Variants in WNT10A observed in about 807,000 individuals in gnomAD.
WNT10A encodes the protein Wnt family member 10A, also known as protein Wnt-10a.
WNT10A carries 37 observed loss-of-function variants against 36.1 expected under a neutral mutation model. The observed-to-expected ratio is 1.02, with a 90% CI of 0.79 to 1.35. The LOEUF (loss-of-function observed/expected upper bound fraction) is 1.35. WNT10A is among the 40% of genes most tolerant of loss of function. WNT10A has a pLI of 0.00. For missense variants in WNT10A, 613 were observed against 601.4 expected (o/e 1.02, Z -0.20); for synonymous variants, 255 against 254.1 (o/e 1.00, Z -0.03).
intron 3 of WNT10A, 115 bp from the exon 4 acceptor site, chr2:218,892,659 C>T: frequency 2.7e-6 from 4 of 1,477,144 alleles, no homozygotes; most frequent in Non-Finnish European, 3.6e-6. Flanking sequence ...TCGCTCCCGG[C>T]CTCAGCGTTT....
upstream of WNT10A, among the ~76,000 whole-genome samples, chr2:218,878,925 A>T (rs1944478020): frequency 6.6e-6 from 1 of 152,014 alleles, no homozygotes; most frequent in Non-Finnish European, 1.5e-5. This position sits in a 1 kb window ranked among gnomAD's most constrained non-coding sequence, Gnocchi z 4.1. Context: ...CCCTTCCCAA[A>T]TGCTAGTCCC....
upstream of WNT10A, among the ~76,000 whole-genome samples, chr2:218,875,865 G>A (rs1944449304): frequency 6.6e-6 from 1 of 152,246 alleles, no homozygotes; most frequent in Non-Finnish European, 1.5e-5. Context: ...GGCCCTGATT[G>A]CAAATGAAGA....
chr2:218,880,626 C>A (rs886055634), upstream of WNT10A: 1 of 210,260 alleles, frequency 4.8e-6, no homozygotes, highest in Non-Finnish European at 9.4e-6. The surrounding 1 kb of genome is among the most constrained non-coding windows in gnomAD (Gnocchi z 7.7). Context: ...AGGCTCCCGG[C>A]GCTGCGCTGG....
intron 3 of WNT10A, among the ~76,000 whole-genome samples, chr2:218,891,057 T>C (rs1375960354): frequency 6.6e-6 from 1 of 152,222 alleles, no homozygotes; most frequent in African/African-American, 2.4e-5. Context: ...CTTGAGCACT[T>C]TCCTACATAT....
At chr2:218,888,979 A>C (rs1944614264) in intron 2 of WNT10A, among the ~76,000 whole-genome samples, 1 of 152,100 alleles carries the variant, frequency 6.6e-6, no homozygotes, top group Non-Finnish European at 1.5e-5. Flanking sequence ...TGGTTACATG[A>C]ATAAGTTCTT....
At chr2:218,875,181 TTTTTTTTTTTTTTTTTTTTTTTTTTG>T in the WNT10A span, among the ~76,000 whole-genome samples, 4 of 87,998 alleles carry the variant, frequency 4.5e-5, no homozygotes, top group Non-Finnish European at 6.8e-5. Flanking sequence ...TTTTTTTTTT[TTTTTTTTTTTTTTTTTTTTTTTTTTG>T]AGATGGAGTC....
upstream of WNT10A, among the ~76,000 whole-genome samples, chr2:218,880,131 G>A (rs1575228752): frequency 6.6e-6 from 1 of 152,266 alleles, no homozygotes. The surrounding 1 kb of genome is among the most constrained non-coding windows in gnomAD (Gnocchi z 7.7). Flanking sequence ...GGCAGGCCTG[G>A]GGGAAGTCCC....
At chr2:218,889,885 T>C (rs1288807142) in intron 2 of WNT10A, 99 bp from the exon 3 acceptor site, 4 of 1,587,126 alleles carry the variant, frequency 2.5e-6, no homozygotes, top group Admixed American at 1.7e-5. Context: ...TCCTGCATAC[T>C]GGGCTTCAGT....
chr2:218,878,932 T>A (rs1944478085), upstream of WNT10A, among the ~76,000 whole-genome samples: 1 of 152,124 alleles, frequency 6.6e-6, no homozygotes, highest in East Asian at 1.9e-4. The surrounding 1 kb of genome is among the most constrained non-coding windows in gnomAD (Gnocchi z 4.1). Flanking sequence ...CAAATGCTAG[T>A]CCCAAGCTGT....
At position 218,881,034 on chromosome 2, in the gene WNT10A, A is replaced by AC. The variant is rs1463106469; in HGVS notation, c.43dup (p.Gln15ProfsTer29). ...ACCCTCGCCCCTGGCTGCGGCTCCGACCCCAGCCCCAGCCGCGGCCAGCGC... is the reference window on the plus strand; with the variant it reads ...ACCCTCGCCCCTGGCTGCGGCTCCGACCCCCAGCCCCAGCCGCGGCCAGCGC... On this transcript the variant is annotated frameshift_variant, in exon 1 of 4. Transcript: ENST00000258411. LOFTEE classifies it high-confidence loss of function. 1 of 1,600,482 alleles carries AC rather than the reference A, an allele frequency of 6.2e-7. No homozygotes were observed. The highest frequency in any genetic ancestry group is 8.5e-7 in the Non-Finnish European group (1 of 1,173,982).
chr2:218,882,035 C>G, intron 1 of WNT10A, 126 bp from the exon 2 acceptor site: 1 of 1,325,270 alleles, frequency 7.5e-7, no homozygotes, highest in Non-Finnish European at 1.0e-6. Flanking sequence ...ACTGATGGGC[C>G]CAACCTTCAG....
At chr2:218,882,091 T>G (rs1305665126) in intron 1 of WNT10A, 70 bp from the exon 2 acceptor site, 1 of 1,563,004 alleles carries the variant, frequency 6.4e-7, no homozygotes, top group Non-Finnish European at 8.7e-7. Flanking sequence ...TGGGACAGAG[T>G]GTGTGTTGTT....
At chr2:218,881,700 T>C (rs1260193264) in intron 1 of WNT10A, among the ~76,000 whole-genome samples, 1 of 152,024 alleles carries the variant, frequency 6.6e-6, no homozygotes, top group African/African-American at 2.4e-5. Context: ...GGGAGTGTCT[T>C]TGTGTGTGTG....
rs1944681315 is a variant in WNT10A, at chr2:218,893,388, A to C, written c.*117A>C. The C allele has an allele frequency of 1.4e-6, 2 of 1,394,860 alleles. No individual in the cohort carries two copies. The highest frequency in any genetic ancestry group is 1.9e-6 in the Non-Finnish European group (2 of 1,054,094). 86.4% of individuals were successfully genotyped at this position (1,394,860 alleles called of 1,614,324 possible). Reference sequence around the variant, plus strand: ...GCTCTTGGGAAGAGGAGATTGGACCACATGATCTTATAGGAACCCCTCAGC... The same window carrying C: ...GCTCTTGGGAAGAGGAGATTGGACCCCATGATCTTATAGGAACCCCTCAGC... On this transcript the variant is annotated 3_prime_UTR_variant, in exon 4 of 4. Transcript: ENST00000258411. The surrounding 1 kb of genome is among the most constrained non-coding windows in gnomAD (Gnocchi z 6.3).
rs1391189104 is a variant in WNT10A, at chr2:218,890,177, T to C, written c.570T>C (p.His190=). ...TGCAGCGTGGTAAGGGCCTGAGCCA[T>C]GGGGTCCCGGAACACCCAGCCCTGC... The part of the protein sequence containing the change: ...DALQRGKGLS[H]GVPEHPALPT... The change falls in exon 3 of 4, where the codon CAT becomes CAC. Residue 190 remains histidine (H), a synonymous_variant. Coordinates refer to ENST00000258411, the MANE Select transcript of WNT10A (RefSeq NM_025216.3). 3.1e-6 allele frequency: 5 copies of C among 1,614,082 alleles called. No homozygotes were observed. In the Admixed American group the frequency reaches 5.0e-5, roughly 16 times the overall value.
intron 1 of WNT10A, among the ~76,000 whole-genome samples, chr2:218,881,873 TG>T (rs1257292154): frequency 1.3e-5 from 2 of 152,160 alleles, no homozygotes; most frequent in Non-Finnish European, 2.9e-5. Context: ...CATCTATTCC[TG>T]GGGATGTGCA....
chr2:218,877,741 A>C (rs1489143394), upstream of WNT10A, among the ~76,000 whole-genome samples: 15 of 152,204 alleles, frequency 9.9e-5, no homozygotes, highest in African/African-American at 3.6e-4. The surrounding 1 kb of genome is among the most constrained non-coding windows in gnomAD (Gnocchi z 4.1). Flanking sequence ...TCAATGACCA[A>C]ACACATTGGG....
At chr2:218,886,955 G>A (rs898540005) in intron 2 of WNT10A, among the ~76,000 whole-genome samples, 2 of 152,170 alleles carry the variant, frequency 1.3e-5, no homozygotes, top group Non-Finnish European at 1.5e-5. Flanking sequence ...CTGCCGCGGT[G>A]GGGTACGTTT....
intron 2 of WNT10A, 143 bp from the exon 3 acceptor site, chr2:218,889,841 C>A: frequency 7.3e-7 from 1 of 1,376,074 alleles, no homozygotes; most frequent in Non-Finnish European, 1.0e-6. Flanking sequence ...GTGATTTCTG[C>A]CCTTCTTTGA....
Sources: gnomAD v4.1 joint callset for allele counts (sites outside exome capture counted in the v4.1 genomes callset) on GRCh38, gnomAD v4.1.1 for gene constraint, Gnocchi (gnomAD v3.1) non-coding constraint, MANE v1.5 for transcripts, NCBI Gene and HGNC (gene_info 2026-07-23, HGNC 2026-07-21) for gene names.